Variants in RAVER2 observed in about 807,000 individuals in gnomAD.
The protein encoded by RAVER2 is ribonucleoprotein PTB-binding 2.
In RAVER2, 46 loss-of-function variants were observed where a neutral mutation model predicts 78.1. The observed-to-expected ratio is 0.59, with a 90% CI of 0.46 to 0.75. The LOEUF is 0.75. Ranked by LOEUF, RAVER2 falls within the 30% of genes least tolerant of loss-of-function variation. The probability of loss-of-function intolerance (pLI) is 0.00; values close to 1 mark genes in which losing one functional copy is unlikely to be tolerated. For synonymous variants in RAVER2, 311 were observed against 313.3 expected, an observed-to-expected ratio of 0.99 and a Z score of 0.08; for missense variants, 793 against 837.5, an observed-to-expected ratio of 0.95 and a Z score of 0.66.
intron 5 of RAVER2, among the ~76,000 whole-genome samples, chr1:64,796,123 A>G (rs1159275744): frequency 6.6e-6 from 1 of 151,956 alleles, no homozygotes; most frequent in African/African-American, 2.4e-5. Context: ...TTTTATTCTT[A>G]GGGTAAACCT....
chr1:64,776,320 G>T (rs368738980), intron 2 of RAVER2, among the ~76,000 whole-genome samples: 1 of 152,178 alleles, frequency 6.6e-6, no homozygotes, highest in East Asian at 1.9e-4. Context: ...TTTTTTGGAA[G>T]AGATGTTGGA....
intron 2 of RAVER2, 81 bp downstream of exon 2, chr1:64,768,803 T>A: frequency 1.1e-6 from 1 of 870,250 alleles, no homozygotes; most frequent in South Asian, 1.6e-5. Context: ...CAGTGTCTTT[T>A]CATGCTTAAG....
At chr1:64,825,915 G>T (rs1162557740) in intron 11 of RAVER2, among the ~76,000 whole-genome samples, 1 of 152,248 alleles carries the variant, frequency 6.6e-6, no homozygotes, top group Non-Finnish European at 1.5e-5. Context: ...CAAAAGATTG[G>T]ATTGGTGAGC....
chr1:64,815,554 AG>A, intron 11 of RAVER2: 1 of 152,296 alleles, frequency 6.6e-6, no homozygotes, highest in East Asian at 1.9e-4. Context: ...AGAGTCCACA[AG>A]AGTCTTATAA....
At chr1:64,811,379 T>G (rs34239891) in intron 9 of RAVER2, among the ~76,000 whole-genome samples, 1 of 152,218 alleles carries the variant, frequency 6.6e-6, no homozygotes, top group African/African-American at 2.4e-5. Context: ...ATATTTTTCA[T>G]CATGTTTAGT....
exon 10 of RAVER2, chr1:64,812,743 C>T: frequency 6.2e-7 from 1 of 1,608,898 alleles, no homozygotes; most frequent in Non-Finnish European, 8.5e-7. Flanking sequence ...AATAGGCTGC[C>T]TCTAAGAATC....
At chr1:64,763,592 G>A (rs1046693729) in intron 1 of RAVER2, among the ~76,000 whole-genome samples, 1 of 151,972 alleles carries the variant, frequency 6.6e-6, no homozygotes, top group Non-Finnish European at 1.5e-5. Context: ...GGAAAACTGG[G>A]TGTGTCTCTT....
intron 11 of RAVER2, among the ~76,000 whole-genome samples, chr1:64,821,360 T>C (rs1161325705): frequency 6.6e-6 from 1 of 152,254 alleles, no homozygotes; most frequent in African/African-American, 2.4e-5. Flanking sequence ...GTCTGTTTAC[T>C]CTGTTGATAG....
At chr1:64,776,968 A>T (rs1652481241) in intron 2 of RAVER2, among the ~76,000 whole-genome samples, 1 of 152,200 alleles carries the variant, frequency 6.6e-6, no homozygotes, top group African/African-American at 2.4e-5. Context: ...AATATTCAAG[A>T]TCTTGTCTTA....
At chr1:64,799,229 C>G (rs1016147025) in intron 5 of RAVER2, among the ~76,000 whole-genome samples, 1 of 152,118 alleles carries the variant, frequency 6.6e-6, no homozygotes, top group African/African-American at 2.4e-5. Context: ...ATATAATGTC[C>G]TCCAGGTTGC....
chr1:64,791,091 A>G (rs1056973693), intron 5 of RAVER2, among the ~76,000 whole-genome samples: 1 of 152,216 alleles, frequency 6.6e-6, no homozygotes, highest in African/African-American at 2.4e-5. Context: ...ATACAGTTTT[A>G]TTATAAAGAG....
At chr1:64,801,735 T>G (rs1653272585) in intron 5 of RAVER2, among the ~76,000 whole-genome samples, 1 of 152,084 alleles carries the variant, frequency 6.6e-6, no homozygotes, top group African/African-American at 2.4e-5. Context: ...AGCATGGTTG[T>G]GAGCGCCTGT....
intron 3 of RAVER2, 58 bp from the exon 4 acceptor site, chr1:64,781,322 A>G: frequency 7.0e-7 from 1 of 1,421,200 alleles, no homozygotes. Context: ...TATATATCGT[A>G]AATAAATGTT....
At chr1:64,749,223 T>A (rs1651627121) in intron 1 of RAVER2, among the ~76,000 whole-genome samples, 1 of 152,096 alleles carries the variant, frequency 6.6e-6, no homozygotes. Context: ...TGTTTGTTTG[T>A]TTTTTGAGAC....
In RAVER2 at chr1:64,800,830, A is replaced by G. The variant is rs780016428; in HGVS notation, c.1106-2146A>G. On this transcript the variant is annotated intron_variant, in intron 5 of 11. Coordinates refer to ENST00000294428, the Ensembl canonical transcript of RAVER2. ...AGAATATTGAAAACTGTTGAATTAA[A>G]TAGTTTCCTGTGATTATCTCACTGA... is the stretch of plus-strand genomic sequence containing the variant. 3.9e-5 allele frequency among the ~76,000 whole-genome samples: 6 copies of G among 152,112 alleles called. No homozygotes were observed. The East Asian group carries it at 5.8e-4, about 15-fold the overall frequency.
chr1:64,830,703 A>AT lies in RAVER2; in HGVS notation c.1930-130dup, dbSNP rs1306529256. 4.0e-6 allele frequency: 3 copies of AT among 756,910 alleles called. No homozygotes were observed. In the African/African-American group the frequency reaches 5.4e-5, roughly 14 times the overall value. 46.9% of individuals were successfully genotyped at this position (756,910 alleles called of 1,614,324 possible). A position where few individuals can be genotyped will look rare whatever the true frequency, so the allele number is the denominator to read the frequency against. On this transcript the variant is annotated intron_variant, in intron 11 of 11. Coordinates refer to ENST00000294428, the Ensembl canonical transcript of RAVER2. Reference sequence around the variant, plus strand: ...TCTTATTTAACAAAGGGGTTTGTGTATTTTTTGATAGTTTGGGTATTTATC... The same window carrying AT: ...TCTTATTTAACAAAGGGGTTTGTGTATTTTTTTGATAGTTTGGGTATTTATC...
chr1:64,827,697 TGTAA>T (rs1654034040), intron 11 of RAVER2, among the ~76,000 whole-genome samples: 2 of 152,250 alleles, frequency 1.3e-5, no homozygotes, highest in South Asian at 4.1e-4. Context: ...CTGTCTCATC[TGTAA>T]GTTTCATGCT....
intron 1 of RAVER2, among the ~76,000 whole-genome samples, chr1:64,752,233 T>G (rs1364772275): frequency 6.6e-6 from 1 of 152,206 alleles, no homozygotes; most frequent in East Asian, 1.9e-4. Context: ...CCAGAGCCAC[T>G]AGTGGGGGAT....
rs757310597 is a variant in RAVER2 at position 64,811,106 on chromosome 1, C to T, written c.1681-1632C>T. Among the ~76,000 whole-genome samples, 166 of 151,900 alleles carry T rather than the reference C, an allele frequency of 1.1e-3. 2 individuals are homozygous for T. Among genetic ancestry groups the T allele is most frequent in the Non-Finnish European group, 3.4e-4 (23 of 67,986 alleles). ...AAAACTAACATACATACTTACAGAC[C>T]GTACATGGCACCATTCACAGTCAAA... is the stretch of plus-strand genomic sequence containing the variant. On this transcript the variant is annotated intron_variant, in intron 9 of 11. Coordinates refer to ENST00000294428, the Ensembl canonical transcript of RAVER2.
Sources: allele counts gnomAD v4.1 joint callset (sites outside exome capture counted in the v4.1 genomes callset), GRCh38; gene constraint gnomAD v4.1.1; transcripts MANE v1.5; gene names NCBI Gene and HGNC (gene_info 2026-07-23, HGNC 2026-07-21).